Variants in DCTN1 observed in about 807,000 individuals in gnomAD.
DCTN1 encodes 150 kDa dynein-associated polypeptide.
Under a neutral mutation model 161.2 loss-of-function variants are expected in DCTN1, and 61 were observed. The ratio of observed to expected loss-of-function variants is 0.38; its 90% confidence interval spans 0.31 to 0.47. The LOEUF is 0.47. Ranked by LOEUF, DCTN1 falls within the 20% of genes least tolerant of loss-of-function variation. The pLI, the probability that DCTN1 is intolerant of heterozygous loss-of-function variation, is 0.99. For missense variants in DCTN1, 1,404 were observed against 1,623.7 expected (o/e 0.86, Z 2.33); for synonymous variants, 653 against 632.4 (o/e 1.03, Z -0.49).
At chr2:74,367,207 T>A in intron 19 of DCTN1, 100 bp from the exon 20 acceptor site, 4 of 1,541,658 alleles carry the variant, frequency 2.6e-6, no homozygotes, top group Non-Finnish European at 2.7e-6. Context: ...CCCCCATACA[T>A]AAGTAGGTCC....
At chr2:74,374,408 C>T in intron 5 of DCTN1, 68 bp from the exon 6 acceptor site, 1 of 1,608,744 alleles carries the variant, frequency 6.2e-7, no homozygotes, top group Non-Finnish European at 8.5e-7. Flanking sequence ...GGAGGATAGA[C>T]AAACACACGG....
Position 74,363,118 on chromosome 2 carries a change from G to A in DCTN1, c.3405C>T (p.Ser1135=). The change falls in exon 29 of 32, where the codon TCC becomes TCT. Residue 1135 remains serine (S), a synonymous_variant. Coordinates refer to ENST00000628224, the MANE Select transcript of DCTN1 (RefSeq NM_004082.5). The part of the protein sequence containing the change: ...SLPPLHVAKL[S]HEGPGSELPA... ...GTAACTCACTGCCAGGGCCCTCATG[G>A]GATAGCTTTGCAACATGCAGAGGGG... 2 of 1,613,958 alleles carry A rather than the reference G, an allele frequency of 1.2e-6. No homozygotes were observed. Among genetic ancestry groups the A allele is most frequent in the Middle Eastern group, 1.7e-4 (1 of 6,060 alleles).
chr2:74,387,673 T>C (rs1675802587), intron 1 of DCTN1, among the ~76,000 whole-genome samples: 1 of 152,234 alleles, frequency 6.6e-6, no homozygotes. Context: ...AGATTCATCC[T>C]GTCCTCTCTA....
chr2:74,366,066 G>A (rs374197215), intron 23 of DCTN1, 48 bp from the exon 24 acceptor site: 2 of 1,613,728 alleles, frequency 1.2e-6, no homozygotes, highest in African/African-American at 2.7e-5. Context: ...GGAGAGAAGA[G>A]ATCATCACTG....
chr2:74,380,313 C>G (rs1467129785), upstream of DCTN1: 1 of 579,536 alleles, frequency 1.7e-6, no homozygotes, highest in East Asian at 3.2e-5. Flanking sequence ...TCTCACTCTG[C>G]GCTAGTGCTG....
rs764838522 is a variant in DCTN1 at position 74,369,084 on chromosome 2, C to A, written c.1701+14G>T. ...CCCAGGCAGGGCTCCCTCAGACCCA[C>A]ACACTTTCCTGACCTTGGCATGGGC... On this transcript the variant is annotated intron_variant, in intron 15 of 31. Coordinates refer to ENST00000628224, the MANE Select transcript of DCTN1 (RefSeq NM_004082.5). The surrounding 1 kb of genome is among the most constrained non-coding windows in gnomAD (Gnocchi z 4.9). 1.2e-6 allele frequency: 2 copies of A among 1,613,562 alleles called. No individual in the cohort carries two copies. The highest frequency in any genetic ancestry group is 4.5e-5 in the East Asian group (2 of 44,884).
rs770302677 is a variant in DCTN1, at chr2:74,371,560, G to A, written c.622C>T (p.Pro208Ser). 3 of 1,581,036 alleles carry A rather than the reference G, an allele frequency of 1.9e-6. No homozygotes were observed. The highest frequency in any genetic ancestry group is 2.6e-6 in the Non-Finnish European group (3 of 1,163,892). Residue 208 changes from proline to serine, a missense_variant, in exon 8 of 32, where the codon CCC becomes TCC. Transcript: ENST00000628224. The stretch of plus-strand genomic sequence containing the variant: ...ACCTTGGATGGGGAAGGAAGCGGGG[G>A]GACTGCTCCAGGAGAGGTGAGGACC... ...TPVLTSPGAV[P>S]PLPSPSKEEE...
intron 6 of DCTN1, among the ~76,000 whole-genome samples, chr2:74,373,655 A>G (rs1675034898): frequency 6.6e-6 from 1 of 152,220 alleles, no homozygotes; most frequent in Admixed American, 6.5e-5. Context: ...GGGCAGCAGC[A>G]CAGAGAAACT....
intron 4 of DCTN1, 129 bp downstream of exon 4, chr2:74,377,303 G>A (rs1675281751): frequency 6.2e-6 from 5 of 812,288 alleles, no homozygotes; most frequent in Non-Finnish European, 1.1e-5. Context: ...CTCCTTCTTA[G>A]GGAAGTTGGA....
chr2:74,366,114 T>G, intron 23 of DCTN1, 96 bp from the exon 24 acceptor site: 1 of 1,611,854 alleles, frequency 6.2e-7, no homozygotes, highest in Non-Finnish European at 8.5e-7. Flanking sequence ...GGGAAAACCC[T>G]GCCTTCTAGG....
In DCTN1 at chr2:74,367,852, C is replaced by T; in HGVS notation, c.2028G>A (p.Gln676=). ...TLHRYEHALS[Q]CSVDVYKKVG... Reference sequence around the variant, plus strand: ...CTTTCTTATACACATCCACACTGCACTGAGAGAGGGCACTAGAGACCAGAG... The same window carrying T: ...CTTTCTTATACACATCCACACTGCATTGAGAGAGGGCACTAGAGACCAGAG... The change falls in exon 18 of 32, where the codon CAG becomes CAA. Residue 676 remains glutamine (Q), a synonymous_variant. Transcript: ENST00000628224. The T allele has an allele frequency of 6.2e-7, 1 of 1,614,224 alleles. No homozygotes were observed. Among genetic ancestry groups the T allele is most frequent in the Non-Finnish European group, 8.5e-7 (1 of 1,180,040 alleles).
rs183305663 is a variant in DCTN1, at chr2:74,368,947, G to A, written c.1702-67C>T. On this transcript the variant is annotated intron_variant, in intron 15 of 31. Coordinates refer to ENST00000628224, the MANE Select transcript of DCTN1 (RefSeq NM_004082.5). ...AAGAGCCCCAAAATTCCCATGCCTT[G>A]CTCCAGTAGATCCCTTGCTTCTAGG... The A allele has an allele frequency of 9.5e-5, 152 of 1,596,420 alleles. No homozygotes were observed. The African/African-American group carries it at 1.8e-3, about 19-fold the overall frequency.
Position 74,367,835 on chromosome 2 carries a change from T to C in DCTN1, c.2045A>G (p.Tyr682Cys). Residue 682 changes from tyrosine (Y) to cysteine (C), a missense_variant, in exon 18 of 32, where the codon TAT becomes TGT. Coordinates refer to ENST00000628224, the MANE Select transcript of DCTN1 (RefSeq NM_004082.5). ...HALSQCSVDV[Y>C]KKVGSLYPEM... ...AGGGTACAGGCTGCCCACTTTCTTA[T>C]ACACATCCACACTGCACTGAGAGAG... The C allele has an allele frequency of 1.9e-6, 3 of 1,614,160 alleles. No individual in the cohort carries two copies. Among genetic ancestry groups the C allele is most frequent in the Non-Finnish European group, 2.5e-6 (3 of 1,180,034 alleles).
chr2:74,365,004 C>G, intron 26 of DCTN1, 71 bp downstream of exon 26: 1 of 1,606,044 alleles, frequency 6.2e-7, no homozygotes, highest in Non-Finnish European at 8.5e-7. Flanking sequence ...GGGCAGAGGT[C>G]AAAATGAGGC....
At chr2:74,389,139 G>A (rs1675879258) in intron 1 of DCTN1, among the ~76,000 whole-genome samples, 1 of 152,144 alleles carries the variant, frequency 6.6e-6, no homozygotes, top group South Asian at 2.1e-4. Context: ...AAGGGCCCAT[G>A]CTCTGCTGTA....
chr2:74,364,617 G>A (rs960115469), intron 26 of DCTN1: 3 of 260,294 alleles, frequency 1.2e-5, no homozygotes, highest in Non-Finnish European at 2.2e-5. Context: ...ATTCAGCAGT[G>A]GAAGATATGA....
At chr2:74,375,393 T>A (rs1292915389) in intron 5 of DCTN1, among the ~76,000 whole-genome samples, 1 of 152,128 alleles carries the variant, frequency 6.6e-6, no homozygotes, top group Non-Finnish European at 1.5e-5. Context: ...CTTTGAAAAA[T>A]AACTACTGGA....
chr2:74,362,802 T>G, intron 29 of DCTN1, 73 bp from the exon 30 acceptor site: 1 of 1,466,600 alleles, frequency 6.8e-7, no homozygotes, highest in Admixed American at 1.8e-5. Context: ...GGGTTAGGGG[T>G]GCAGGTATAA....
upstream of DCTN1, among the ~76,000 whole-genome samples, chr2:74,384,745 C>T (rs1675656413): frequency 6.6e-6 from 1 of 152,232 alleles, no homozygotes; most frequent in Non-Finnish European, 1.5e-5. Flanking sequence ...CTCCTCTTGT[C>T]TCACCTTATC....
Sources: gnomAD v4.1 joint callset for allele counts (sites outside exome capture counted in the v4.1 genomes callset) on GRCh38, gnomAD v4.1.1 for gene constraint, Gnocchi (gnomAD v3.1) non-coding constraint, MANE v1.5 for transcripts, NCBI Gene and HGNC (gene_info 2026-07-23, HGNC 2026-07-21) for gene names.